Variants in UBASH3B observed in about 807,000 individuals in gnomAD.
UBASH3B encodes the protein ubiquitin-associated and SH3 domain-containing protein B.
In UBASH3B, 37 loss-of-function variants were observed where a neutral mutation model predicts 83.4. The ratio of observed to expected loss-of-function variants is 0.44; its 90% CI spans 0.34 to 0.58. The LOEUF is 0.58. UBASH3B is among the 20% of genes least tolerant of loss of function. The probability of loss-of-function intolerance (pLI) is 0.01; values close to 1 mark genes in which losing one functional copy is unlikely to be tolerated. For missense variants in UBASH3B, 657 were observed against 827.2 expected, an observed-to-expected ratio of 0.79 and a Z score of 2.52; for synonymous variants, 304 against 318.3, an observed-to-expected ratio of 0.96 and a Z score of 0.48.
At chr11:122,749,023 T>C (rs1220927564) in intron 1 of UBASH3B, among the ~76,000 whole-genome samples, 1 of 152,282 alleles carries the variant, frequency 6.6e-6, no homozygotes, top group Non-Finnish European at 1.5e-5. Context: ...GACAGCTTTA[T>C]GTTCTCCTGG....
rs536653572 is a variant in UBASH3B at position 122,765,143 on chromosome 11, ATT to A, written c.162-11072_162-11071del. ...ACAGAGACTAGGTTCGGTTTTATTC[ATT>A]TTTGTCTTTGGAAGATAAGAAGGAA... On this transcript the variant is annotated intron_variant, in intron 1 of 13. Coordinates refer to ENST00000284273, the MANE Select transcript of UBASH3B (RefSeq NM_032873.5). Among the ~76,000 whole-genome samples, 1,254 of 149,736 alleles carry A rather than the reference ATT, an allele frequency of 8.4e-3. 20 individuals carry two copies. The highest frequency in any genetic ancestry group is 0.03 in the African/African-American group (1,213 of 40,562).
intron 1 of UBASH3B, among the ~76,000 whole-genome samples, chr11:122,767,624 T>C (rs1196942333): frequency 6.6e-6 from 1 of 152,174 alleles, no homozygotes; most frequent in African/African-American, 2.4e-5. Context: ...TATGCTCTTT[T>C]TGTATTTCAA....
At chr11:122,764,632 C>T (rs746656904) in intron 1 of UBASH3B, among the ~76,000 whole-genome samples, 1 of 152,328 alleles carries the variant, frequency 6.6e-6, no homozygotes, top group South Asian at 2.1e-4. Flanking sequence ...GACTGAATTG[C>T]GTGGATCTTA....
chr11:122,809,267 G>A (rs547590143), intron 13 of UBASH3B, among the ~76,000 whole-genome samples: 2 of 152,220 alleles, frequency 1.3e-5, no homozygotes, highest in Admixed American at 1.3e-4. Flanking sequence ...GTATAGATGA[G>A]GTTTGCCATG....
chr11:122,794,947 G>A, intron 7 of UBASH3B, 113 bp downstream of exon 7: 1 of 1,463,474 alleles, frequency 6.8e-7, no homozygotes, highest in Non-Finnish European at 9.3e-7. Context: ...ACGATCTCTT[G>A]GGAAGAAAGT....
intron 1 of UBASH3B, among the ~76,000 whole-genome samples, chr11:122,687,097 G>A (rs1027234548): frequency 3.9e-5 from 6 of 152,090 alleles, no homozygotes; most frequent in South Asian, 2.1e-4. Flanking sequence ...TCGAACTCCC[G>A]ACCTCAAGCT....
chr11:122,725,854 G>A (rs867743603), intron 1 of UBASH3B, among the ~76,000 whole-genome samples: 9 of 151,664 alleles, frequency 5.9e-5, no homozygotes, highest in East Asian at 1.9e-4. Flanking sequence ...CCACCACGCC[G>A]GCCAATTTTT....
chr11:122,700,038 C>A (rs978759857), intron 1 of UBASH3B, among the ~76,000 whole-genome samples: 1 of 152,110 alleles, frequency 6.6e-6, no homozygotes, highest in Non-Finnish European at 1.5e-5. Flanking sequence ...TTCACTTGGC[C>A]GTATTCAGTG....
intron 1 of UBASH3B, among the ~76,000 whole-genome samples, chr11:122,726,597 C>T (rs1029701115): frequency 6.6e-6 from 1 of 152,148 alleles, no homozygotes; most frequent in Non-Finnish European, 1.5e-5. Context: ...GATCTGTTCA[C>T]CTCATCCTCC....
intron 11 of UBASH3B, among the ~76,000 whole-genome samples, chr11:122,802,045 G>A (rs974805154): frequency 2.0e-5 from 3 of 152,120 alleles, no homozygotes; most frequent in Non-Finnish European, 4.4e-5. Flanking sequence ...GGCTGGGCAC[G>A]GTGGCTCACG....
intron 11 of UBASH3B, among the ~76,000 whole-genome samples, chr11:122,801,988 C>T (rs1342489281): frequency 8.5e-5 from 13 of 152,070 alleles, no homozygotes. Context: ...TTGTTGATTG[C>T]TTACAGGTGA....
In UBASH3B at chr11:122,779,629, G is replaced by T; in HGVS notation, c.535G>T (p.Glu179Ter). The T allele has an allele frequency of 6.2e-7, 1 of 1,614,198 alleles. No individual in the cohort carries two copies. Among genetic ancestry groups the T allele is most frequent in the Non-Finnish European group, 8.5e-7 (1 of 1,180,036 alleles). The change falls in exon 4 of 14, where the codon GAA becomes TAA. Residue 179 changes from glutamate (E) to a stop codon, truncating the protein, a stop_gained. Transcript: ENST00000284273. LOFTEE classifies it high-confidence loss of function. Reference protein sequence around the residue: ...SSNFIGLFVKEDSAEVLKKFA... With the variant: ...SSNFIGLFVK ...CAACTTCATCGGCCTCTTTGTAAAG[G>T]AAGACAGTGCGGAGGTCCTCAAGAA...
At chr11:122,710,789 T>C (rs186829211) in intron 1 of UBASH3B, among the ~76,000 whole-genome samples, 1 of 150,940 alleles carries the variant, frequency 6.6e-6, no homozygotes, top group East Asian at 2.0e-4. Context: ...GCATACCACT[T>C]CCCTAGAGCT....
Position 122,779,523 on chromosome 11 carries a change from G to T in UBASH3B, c.429G>T (p.Leu143=). Residue 143 remains leucine (L), a synonymous_variant, in exon 4 of 14, where the codon CTG becomes CTT. Transcript: ENST00000284273. Reference sequence around the variant, plus strand: ...GCGAGGACAGCAAGGTGGATGCCCTGGGGGAAGCCCTGCAGACCACGGTCA... The same window carrying T: ...GCGAGGACAGCAAGGTGGATGCCCTTGGGGAAGCCCTGCAGACCACGGTCA... ...FMCEDSKVDA[L]GEALQTTVSR... is the part of the protein sequence containing the mutation. 1 of 1,614,052 alleles carries T rather than the reference G, an allele frequency of 6.2e-7. No individual in the cohort carries two copies. The highest frequency in any genetic ancestry group is 8.5e-7 in the Non-Finnish European group (1 of 1,179,986).
In UBASH3B at chr11:122,712,878, A is replaced by G. The variant is rs138642102; in HGVS notation, c.161+56668A>G. Among the ~76,000 whole-genome samples, 344 of 119,548 alleles carry G rather than the reference A, an allele frequency of 2.9e-3. 2 individuals are homozygous for G. Among genetic ancestry groups the G allele is most frequent in the African/African-American group, 0.011 (335 of 31,662 alleles). The allele number at this position is 119,548 out of a possible 152,430, so 78.4% of individuals were successfully genotyped here. On this transcript the variant is annotated intron_variant, in intron 1 of 13. Transcript: ENST00000284273. The stretch of plus-strand genomic sequence containing the variant: ...GCCCCAGGAAGCTGACTGGACATTC[A>G]TCTTTCTTCTCTGGGTGGTTTTTTT...
At chr11:122,675,301 A>G (rs544357666) in intron 1 of UBASH3B, among the ~76,000 whole-genome samples, 7 of 152,362 alleles carry the variant, frequency 4.6e-5, no homozygotes, top group African/African-American at 1.4e-4. Flanking sequence ...TCCTGTGTTT[A>G]GAGACCACAT....
rs1442309802 is a variant in UBASH3B, at chr11:122,781,122, T to TAAGG, written c.601+1430_601+1431insGAAG. On this transcript the variant is annotated intron_variant, in intron 4 of 13. Transcript: ENST00000284273. The stretch of plus-strand genomic sequence containing the variant: ...GCTCTCGGAAGGAACACAAGGACCT[T>TAAGG]AAGACCCCTCTGTACCTGGGGAGGG... 2.0e-5 allele frequency among the ~76,000 whole-genome samples: 3 copies of TAAGG among 152,082 alleles called. No individual in the cohort carries two copies. The East Asian group carries it at 5.8e-4, about 29-fold the overall frequency.
chr11:122,807,740 G>T (rs1370772905), intron 12 of UBASH3B, among the ~76,000 whole-genome samples: 2 of 151,940 alleles, frequency 1.3e-5, no homozygotes, highest in East Asian at 1.9e-4. Flanking sequence ...TTTCTATAGG[G>T]ACAGGGTCTC....
At chr11:122,756,222 C>A (rs545891750) in intron 1 of UBASH3B, among the ~76,000 whole-genome samples, 30 of 152,268 alleles carry the variant, frequency 2.0e-4, no homozygotes, top group South Asian at 4.2e-4. Flanking sequence ...TGAATTGAGT[C>A]CTCTTTGTAG....
Sources: gnomAD v4.1 joint callset for allele counts (sites outside exome capture counted in the v4.1 genomes callset) on GRCh38, gnomAD v4.1.1 for gene constraint, MANE v1.5 for transcripts, NCBI Gene and HGNC (gene_info 2026-07-23, HGNC 2026-07-21) for gene names.